Variants in GALNT13 observed in about 807,000 individuals in gnomAD.
GALNT13 encodes UDP-GalNAc:polypeptide N-acetylgalactosaminyltransferase 13.
In GALNT13, 28 loss-of-function variants were observed where a neutral mutation model predicts 64.2. The ratio of observed to expected loss-of-function variants is 0.44; its 90% CI spans 0.32 to 0.60. GALNT13 has a LOEUF of 0.60. Among genes scored for constraint, GALNT13 ranks in the 20% least tolerant of loss-of-function variants. The pLI is 0.05. For missense variants in GALNT13, 577 were observed against 669.8 expected, an observed-to-expected ratio of 0.86 and a Z score of 1.53; for synonymous variants, 214 against 224.6, an observed-to-expected ratio of 0.95 and a Z score of 0.42.
chr2:154,007,762 G>A (rs1248004612), intron 3 of GALNT13, among the ~76,000 whole-genome samples: 5 of 152,010 alleles, frequency 3.3e-5, no homozygotes, highest in Non-Finnish European at 5.9e-5. Flanking sequence ...TATAGAAGGA[G>A]CATTGTTTAC....
At chr2:153,802,883 CTG>C in the GALNT13 span, among the ~76,000 whole-genome samples, 2 of 152,214 alleles carry the variant, frequency 1.3e-5, no homozygotes, top group East Asian at 3.8e-4. Context: ...CTCAGAAAAA[CTG>C]TGAAGTTTTT....
At chr2:153,553,620 T>A in the GALNT13 span, among the ~76,000 whole-genome samples, 1 of 152,286 alleles carries the variant, frequency 6.6e-6, no homozygotes, top group Middle Eastern at 3.4e-3. Flanking sequence ...AGAATATTCC[T>A]ATGGTAGAGT....
chr2:153,143,167 C>T, the GALNT13 span, among the ~76,000 whole-genome samples: 1 of 151,866 alleles, frequency 6.6e-6, no homozygotes, highest in Non-Finnish European at 1.5e-5. Context: ...GTGCAGGCTC[C>T]CAGCCCAAGA....
intron 8 of GALNT13, among the ~76,000 whole-genome samples, chr2:154,298,219 A>G (rs1693045063): frequency 6.6e-6 from 1 of 151,672 alleles, no homozygotes; most frequent in African/African-American, 2.4e-5. Flanking sequence ...ACAGTCAACA[A>G]GATAATAAAT....
At chr2:154,228,767 CT>C (rs1315592024) in intron 4 of GALNT13, among the ~76,000 whole-genome samples, 1 of 151,988 alleles carries the variant, frequency 6.6e-6, no homozygotes, top group African/African-American at 2.4e-5. Context: ...AATGAGGGGT[CT>C]GGAATCTCAT....
intron 9 of GALNT13, among the ~76,000 whole-genome samples, chr2:154,311,449 G>A (rs923495027): frequency 6.6e-6 from 1 of 152,036 alleles, no homozygotes; most frequent in Non-Finnish European, 1.5e-5. Context: ...GTTTCAAAAG[G>A]GGAGGGAGTA....
At chr2:154,026,365 C>A (rs1485742726) in intron 3 of GALNT13, among the ~76,000 whole-genome samples, 1 of 152,076 alleles carries the variant, frequency 6.6e-6, no homozygotes, top group Non-Finnish European at 1.5e-5. Flanking sequence ...AGAGGAGGGG[C>A]AAGTTCAGTA....
At chr2:153,293,440 C>T in the GALNT13 span, among the ~76,000 whole-genome samples, 1 of 152,002 alleles carries the variant, frequency 6.6e-6, no homozygotes, top group Admixed American at 6.6e-5. Flanking sequence ...TATACTACTA[C>T]CTTGAAGATG....
the GALNT13 span, among the ~76,000 whole-genome samples, chr2:153,779,316 T>C: frequency 1.6e-4 from 25 of 152,298 alleles, no homozygotes; most frequent in African/African-American, 6.0e-4. Flanking sequence ...AGTTGTGTGG[T>C]GTTTCTATTA....
intron 3 of GALNT13, among the ~76,000 whole-genome samples, chr2:153,999,240 A>G (rs1695730942): frequency 6.6e-6 from 1 of 151,700 alleles, no homozygotes; most frequent in Non-Finnish European, 1.5e-5. Context: ...CTCAGAAATA[A>G]CATGACACAT....
intron 9 of GALNT13, among the ~76,000 whole-genome samples, chr2:154,305,075 G>C (rs945846908): frequency 6.6e-6 from 1 of 152,164 alleles, no homozygotes; most frequent in Admixed American, 6.6e-5. Context: ...GCCCTGGGAA[G>C]ATTTCAGATC....
the GALNT13 span, among the ~76,000 whole-genome samples, chr2:153,614,176 T>C: frequency 6.6e-6 from 1 of 151,960 alleles, no homozygotes; most frequent in Non-Finnish European, 1.5e-5. Context: ...CTAGGAATAC[T>C]CTAGGGATTA....
At chr2:153,492,030 A>G in the GALNT13 span, among the ~76,000 whole-genome samples, 6 of 152,242 alleles carry the variant, frequency 3.9e-5, no homozygotes, top group Non-Finnish European at 8.8e-5. Flanking sequence ...ATTTAAAAAA[A>G]TAAATGTAAA....
the GALNT13 span, among the ~76,000 whole-genome samples, chr2:153,258,321 C>T: frequency 7.2e-5 from 11 of 151,988 alleles, no homozygotes; most frequent in Admixed American, 4.6e-4. Flanking sequence ...CTGTGATCCA[C>T]AAATTATCTG....
chr2:153,482,722 T>G, the GALNT13 span, among the ~76,000 whole-genome samples: 1 of 152,042 alleles, frequency 6.6e-6, no homozygotes, highest in South Asian at 2.1e-4. Flanking sequence ...CAGCCTGCCT[T>G]GGCCTCCCAA....
intron 4 of GALNT13, among the ~76,000 whole-genome samples, chr2:154,142,831 TG>T (rs1276885496): frequency 6.6e-6 from 1 of 151,764 alleles, no homozygotes; most frequent in Non-Finnish European, 1.5e-5. Context: ...TATGTGTGTG[TG>T]TGTGTGTATA....
chr2:153,772,146 A>G, the GALNT13 span, among the ~76,000 whole-genome samples: 1 of 152,198 alleles, frequency 6.6e-6, no homozygotes, highest in Non-Finnish European at 1.5e-5. Context: ...TGTGAGCATT[A>G]GTCCTCCAAT....
chr2:154,185,053 T>C (rs1459187557), intron 4 of GALNT13, among the ~76,000 whole-genome samples: 3 of 152,134 alleles, frequency 2.0e-5, no homozygotes, highest in African/African-American at 7.2e-5. Flanking sequence ...CCAGTGATGA[T>C]AACCTCCTTA....
chr2:153,549,890 T>C, the GALNT13 span, among the ~76,000 whole-genome samples: 22 of 152,202 alleles, frequency 1.4e-4, no homozygotes, highest in African/African-American at 5.3e-4. Flanking sequence ...TTGTCTTCTT[T>C]ATATCCTCCT....
Sources: gnomAD v4.1 joint callset for allele counts (sites outside exome capture counted in the v4.1 genomes callset) on GRCh38, gnomAD v4.1.1 for gene constraint, MANE v1.5 for transcripts, NCBI Gene and HGNC (gene_info 2026-07-23, HGNC 2026-07-21) for gene names.